Variants in MIPOL1 observed in about 807,000 individuals in gnomAD.
The protein encoded by MIPOL1 is mirror-image polydactyly gene 1 protein.
A neutral mutation model predicts 60.9 loss-of-function variants in MIPOL1; 57 were observed. The observed-to-expected ratio is 0.94, with a 90% CI of 0.76 to 1.17. MIPOL1 has a LOEUF of 1.17. MIPOL1 is among the 50% of genes most tolerant of loss of function. MIPOL1 has a pLI of 0.00. For missense variants in MIPOL1, 551 were observed against 511.6 expected (o/e 1.08, Z -0.74); for synonymous variants, 179 against 168.8 (o/e 1.06, Z -0.47).
chr14:37,524,296 G>T (rs903309008), intron 12 of MIPOL1, among the ~76,000 whole-genome samples: 9 of 152,110 alleles, frequency 5.9e-5, no homozygotes, highest in African/African-American at 2.2e-4. Flanking sequence ...GATGTGGGGT[G>T]GGGGAGATTG....
chr14:37,411,574 A>G (rs1186700008), intron 10 of MIPOL1, among the ~76,000 whole-genome samples: 2 of 152,104 alleles, frequency 1.3e-5, no homozygotes, highest in East Asian at 3.9e-4. Flanking sequence ...TATGGTTGGT[A>G]AACTATGGCC....
intron 10 of MIPOL1, among the ~76,000 whole-genome samples, chr14:37,398,746 T>G (rs747389049): frequency 1.3e-5 from 2 of 152,200 alleles, no homozygotes; most frequent in African/African-American, 4.8e-5. Context: ...GTGCAGGACA[T>G]TGAACGAGTA....
In MIPOL1 at chr14:37,459,288, CA is replaced by C. The variant is rs558917774; in HGVS notation, c.1031+36343del. Among the ~76,000 whole-genome samples the C allele has an allele frequency of 2.1e-3, 315 of 152,056 alleles. 1 individual carries two copies. Among genetic ancestry groups the C allele is most frequent in the Middle Eastern group, 0.01 (3 of 294 alleles). ...AACGACTAGCTAGAATAACCAATAA[CA>C]AAAGAGAGAAGATTCACATAAGTAA... is the stretch of plus-strand genomic sequence containing the variant. On this transcript the variant is annotated intron_variant, in intron 11 of 12. Coordinates refer to ENST00000684589, the MANE Select transcript of MIPOL1 (RefSeq NM_001388067.1).
chr14:37,495,472 A>C (rs2095110928), intron 11 of MIPOL1, among the ~76,000 whole-genome samples: 4 of 149,890 alleles, frequency 2.7e-5, no homozygotes, highest in Non-Finnish European at 4.4e-5. Context: ...ATCCTTTTTT[A>C]TGGCTGCATA....
intron 10 of MIPOL1, among the ~76,000 whole-genome samples, chr14:37,384,705 T>C (rs2093019426): frequency 6.6e-6 from 1 of 151,992 alleles, no homozygotes; most frequent in East Asian, 1.9e-4. Flanking sequence ...TGTTTCTTGA[T>C]GTATATGGTG....
intron 9 of MIPOL1, among the ~76,000 whole-genome samples, chr14:37,368,525 A>G (rs2092547750): frequency 6.6e-6 from 1 of 152,134 alleles, no homozygotes; most frequent in Non-Finnish European, 1.5e-5. Context: ...CCATTTGTCA[A>G]ATAATCTAGA....
chr14:37,311,312 A>C (rs181967329), intron 9 of MIPOL1, among the ~76,000 whole-genome samples: 2 of 152,306 alleles, frequency 1.3e-5, no homozygotes. Context: ...AAATAAGCAC[A>C]TAGAGCATAA....
At chr14:37,482,216 C>T (rs2094881866) in intron 11 of MIPOL1, among the ~76,000 whole-genome samples, 1 of 152,056 alleles carries the variant, frequency 6.6e-6, no homozygotes, top group African/African-American at 2.4e-5. Flanking sequence ...GTAAGGCACT[C>T]AACTCAATAG....
At chr14:37,269,259 T>C (rs1244232907) in intron 5 of MIPOL1, among the ~76,000 whole-genome samples, 2 of 152,192 alleles carry the variant, frequency 1.3e-5, no homozygotes, top group Non-Finnish European at 2.9e-5. Flanking sequence ...GTTAATCTTA[T>C]ACTGCTGCAT....
chr14:37,453,619 A>G (rs1042452158), intron 11 of MIPOL1, among the ~76,000 whole-genome samples: 10 of 152,152 alleles, frequency 6.6e-5, no homozygotes, highest in Admixed American at 2.0e-4. Flanking sequence ...TATTGTACAC[A>G]TTGAATACCA....
intron 9 of MIPOL1, among the ~76,000 whole-genome samples, chr14:37,319,900 G>A (rs941810105): frequency 3.9e-5 from 6 of 152,058 alleles, no homozygotes; most frequent in Admixed American, 3.9e-4. Flanking sequence ...GGAGTCATAT[G>A]TTATATACTC....
chr14:37,237,863 C>A (rs1433536217), intron 1 of MIPOL1, among the ~76,000 whole-genome samples: 6 of 152,086 alleles, frequency 3.9e-5, no homozygotes, highest in African/African-American at 1.4e-4. Flanking sequence ...TCCATATTCT[C>A]GTGGACTGCT....
intron 9 of MIPOL1, among the ~76,000 whole-genome samples, chr14:37,347,701 T>C (rs560674637): frequency 6.6e-6 from 1 of 152,162 alleles, no homozygotes; most frequent in East Asian, 1.9e-4. Context: ...AAAAAACATA[T>C]CAACCTACAA....
chr14:37,234,371 T>G (rs1299955706), intron 1 of MIPOL1, among the ~76,000 whole-genome samples: 1 of 151,658 alleles, frequency 6.6e-6, no homozygotes, highest in African/African-American at 2.4e-5. Flanking sequence ...CTTTTTTTTT[T>G]TTTCAGGTGG....
At chr14:37,489,311 G>T (rs1366118610) in intron 11 of MIPOL1, among the ~76,000 whole-genome samples, 1 of 152,108 alleles carries the variant, frequency 6.6e-6, no homozygotes, top group Admixed American at 6.6e-5. Context: ...GGTCATTTAT[G>T]TTCTTCTCTA....
At chr14:37,443,749 C>CAAAA (rs752472741) in intron 11 of MIPOL1, among the ~76,000 whole-genome samples, 1 of 70,650 alleles carries the variant, frequency 1.4e-5, no homozygotes, top group African/African-American at 3.8e-5. Flanking sequence ...ATGATAGGCT[C>CAAAA]AAAAAAAAAA....
At chr14:37,298,346 C>G (rs1179365939) in intron 7 of MIPOL1, among the ~76,000 whole-genome samples, 1 of 152,134 alleles carries the variant, frequency 6.6e-6, no homozygotes, top group Non-Finnish European at 1.5e-5. Flanking sequence ...ACCATAAAAA[C>G]CCTACAAGAA....
At chr14:37,492,384 C>T (rs531792656) in intron 11 of MIPOL1, among the ~76,000 whole-genome samples, 1 of 152,272 alleles carries the variant, frequency 6.6e-6, no homozygotes, top group African/African-American at 2.4e-5. Flanking sequence ...AAACTAGTTT[C>T]CTTCTCCCAA....
chr14:37,330,161 T>C (rs1693067547), intron 9 of MIPOL1, among the ~76,000 whole-genome samples: 1 of 152,148 alleles, frequency 6.6e-6, no homozygotes, highest in Non-Finnish European at 1.5e-5. Flanking sequence ...AATAAAATAT[T>C]GTTCTACATT....
Sources: allele counts gnomAD v4.1 joint callset (sites outside exome capture counted in the v4.1 genomes callset), GRCh38; gene constraint gnomAD v4.1.1; transcripts MANE v1.5; gene names NCBI Gene and HGNC (gene_info 2026-07-23, HGNC 2026-07-21).